CSMD3: variants seen among roughly 807,000 people sequenced by gnomAD.
The protein encoded by CSMD3 is CUB and Sushi multiple domains 3, also known as CUB and sushi domain-containing protein 3.
In CSMD3, 177 loss-of-function variants were observed where a neutral mutation model predicts 435.2. The observed-to-expected ratio is 0.41, with a 90% CI of 0.36 to 0.46. The LOEUF is 0.46. Ranked by LOEUF, CSMD3 falls within the 20% of genes least tolerant of loss-of-function variation. CSMD3 has a pLI of 0.34. For synonymous variants in CSMD3, 1,656 were observed against 1,520.5 expected (o/e 1.09, Z -2.07); for missense variants, 4,265 against 4,504.6 (o/e 0.95, Z 1.52).
intron 45 of CSMD3, among the ~76,000 whole-genome samples, chr8:112,327,729 C>A (rs1243695503): frequency 6.6e-6 from 1 of 152,154 alleles, no homozygotes. Context: ...GCATCGTATT[C>A]CACATGTCTG....
intron 3 of CSMD3, among the ~76,000 whole-genome samples, chr8:113,187,122 C>T (rs926752854): frequency 1.3e-5 from 2 of 151,484 alleles, no homozygotes; most frequent in African/African-American, 4.8e-5. Context: ...GCAGGAACCC[C>T]TTTCACTTTG....
At chr8:113,261,807 C>T (rs1327087372) in intron 3 of CSMD3, among the ~76,000 whole-genome samples, 1 of 152,012 alleles carries the variant, frequency 6.6e-6, no homozygotes, top group Non-Finnish European at 1.5e-5. Flanking sequence ...TATACATGGG[C>T]ATATTCATTA....
Position 112,471,213 on chromosome 8 carries a change from C to T in CSMD3, c.5395+1378G>A, listed in dbSNP as rs145668803. ...GGCCTCCCAAGAACAGAGTATAATA[C>T]GATAAATTAATGGCTTCCGAAGAGG... On this transcript the variant is annotated intron_variant, in intron 32 of 70. Coordinates refer to ENST00000297405, the MANE Select transcript of CSMD3 (RefSeq NM_198123.2). Among the ~76,000 whole-genome samples the T allele has an allele frequency of 8.2e-3, 1,244 of 152,142 alleles. 17 individuals are homozygous for T. The highest frequency in any genetic ancestry group is 0.028 in the African/African-American group (1,162 of 41,542).
At chr8:113,126,058 C>T (rs1323834884) in intron 4 of CSMD3, among the ~76,000 whole-genome samples, 1 of 151,912 alleles carries the variant, frequency 6.6e-6, no homozygotes, top group Non-Finnish European at 1.5e-5. Flanking sequence ...GTATAATTAT[C>T]TCCATTTTAA....
chr8:113,121,856 C>A lies in CSMD3; in HGVS notation c.710-22893G>T, dbSNP rs543138101. On this transcript the variant is annotated intron_variant, in intron 4 of 70. Coordinates refer to ENST00000297405, the MANE Select transcript of CSMD3 (RefSeq NM_198123.2). Reference sequence around the variant, plus strand: ...GAATACTTTAAAATAAATATTTCTTCAAATACCTCTTATACCATTTAATAT... The same window carrying A: ...GAATACTTTAAAATAAATATTTCTTAAAATACCTCTTATACCATTTAATAT... Among the ~76,000 whole-genome samples, 36 of 152,138 alleles carry A rather than the reference C, an allele frequency of 2.4e-4. No homozygotes were observed. In the South Asian group the frequency reaches 6.8e-3, roughly 29 times the overall value.
intron 13 of CSMD3, among the ~76,000 whole-genome samples, chr8:112,758,148 T>C (rs1395778395): frequency 6.7e-6 from 1 of 150,248 alleles, no homozygotes; most frequent in Non-Finnish European, 1.5e-5. Context: ...ATGTCAGGAG[T>C]TCAAGACCAG....
chr8:113,397,536 G>A (rs1474796189), intron 1 of CSMD3, among the ~76,000 whole-genome samples: 1 of 152,044 alleles, frequency 6.6e-6, no homozygotes, highest in Admixed American at 6.6e-5. Flanking sequence ...AACAAAGACT[G>A]TGGGCCGGGC....
intron 1 of CSMD3, among the ~76,000 whole-genome samples, chr8:113,397,810 A>T (rs1349789691): frequency 6.8e-6 from 1 of 146,638 alleles, no homozygotes; most frequent in Non-Finnish European, 1.5e-5. Flanking sequence ...AAGGAGCGAG[A>T]GTCCGTCTCA....
At chr8:113,315,253 G>T (rs1420673258) in intron 1 of CSMD3, among the ~76,000 whole-genome samples, 3 of 152,054 alleles carry the variant, frequency 2.0e-5, no homozygotes. Context: ...GACATATTCA[G>T]ATCTCTACCC....
chr8:112,464,549 C>A (rs766531993), intron 32 of CSMD3, among the ~76,000 whole-genome samples: 14 of 151,836 alleles, frequency 9.2e-5, no homozygotes, highest in Non-Finnish European at 2.1e-4. Context: ...CATATAGTAA[C>A]CCTTAAAGCA....
At chr8:113,279,193 A>T (rs1263605115) in intron 2 of CSMD3, among the ~76,000 whole-genome samples, 1 of 150,034 alleles carries the variant, frequency 6.7e-6, no homozygotes, top group East Asian at 1.9e-4. Flanking sequence ...AGTATGAGAT[A>T]TTATATATAT....
At chr8:112,691,498 G>T (rs998825872) in intron 13 of CSMD3, among the ~76,000 whole-genome samples, 1 of 151,852 alleles carries the variant, frequency 6.6e-6, no homozygotes, top group African/African-American at 2.4e-5. Flanking sequence ...AGTGTTTCAT[G>T]TTGTTGTTTG....
intron 3 of CSMD3, among the ~76,000 whole-genome samples, chr8:113,189,048 T>C (rs1031552759): frequency 3.3e-5 from 5 of 151,884 alleles, no homozygotes; most frequent in African/African-American, 7.2e-5. Flanking sequence ...TCTGATTTCA[T>C]TCCATTCAAA....
At position 113,002,677 on chromosome 8, in the gene CSMD3, C is replaced by T. The variant is rs114379226; in HGVS notation, c.1030+16390G>A. On this transcript the variant is annotated intron_variant, in intron 6 of 70. Coordinates refer to ENST00000297405, the MANE Select transcript of CSMD3 (RefSeq NM_198123.2). ...TTTTGTCTCAAGGGCTGAAGTAAGA[C>T]TTAATGTGACTAGGTTATAACTTTA... 6.6e-3 allele frequency among the ~76,000 whole-genome samples: 1,008 copies of T among 152,168 alleles called. 11 individuals are homozygous for T. Among genetic ancestry groups the T allele is most frequent in the African/African-American group, 0.023 (966 of 41,528 alleles).
chr8:113,119,761 T>G (rs1038452555), intron 4 of CSMD3, among the ~76,000 whole-genome samples: 1 of 152,120 alleles, frequency 6.6e-6, no homozygotes, highest in Admixed American at 6.5e-5. Context: ...GTTAAATACA[T>G]ATTGCAACAT....
At chr8:112,413,280 C>T (rs979772383) in intron 32 of CSMD3, among the ~76,000 whole-genome samples, 1 of 152,160 alleles carries the variant, frequency 6.6e-6, no homozygotes, top group Non-Finnish European at 1.5e-5. Context: ...TATTTGACAT[C>T]TAATTTTTGA....
chr8:112,583,467 TA>T, intron 23 of CSMD3, among the ~76,000 whole-genome samples: 1 of 152,106 alleles, frequency 6.6e-6, no homozygotes, highest in East Asian at 1.9e-4. Context: ...ATGTGAACAT[TA>T]AAGGATTTTT....
intron 13 of CSMD3, among the ~76,000 whole-genome samples, chr8:112,744,027 A>G (rs2077373286): frequency 6.6e-6 from 1 of 152,124 alleles, no homozygotes; most frequent in Non-Finnish European, 1.5e-5. Flanking sequence ...TATATGCAGC[A>G]TACTAAATAT....
At chr8:112,930,966 A>C (rs576183972) in intron 9 of CSMD3, among the ~76,000 whole-genome samples, 40 of 152,220 alleles carry the variant, frequency 2.6e-4, no homozygotes, top group African/African-American at 8.7e-4. Context: ...TGCTATTGCC[A>C]TATTAAGCCT....
Sources: allele counts gnomAD v4.1 joint callset (sites outside exome capture counted in the v4.1 genomes callset), GRCh38; gene constraint gnomAD v4.1.1; transcripts MANE v1.5; gene names NCBI Gene and HGNC (gene_info 2026-07-23, HGNC 2026-07-21).